SPAG16: variants seen among roughly 807,000 people sequenced by gnomAD.
SPAG16 encodes the protein sperm associated antigen 16, also known as sperm-associated antigen 16 protein.
In SPAG16, 86 loss-of-function variants were observed where a neutral mutation model predicts 80.4. The observed-to-expected ratio is 1.07, with a 90% CI of 0.90 to 1.28. The LOEUF (loss-of-function observed/expected upper bound fraction) is 1.28. Ranked by LOEUF, SPAG16 falls within the 50% of genes most tolerant of loss-of-function variation. SPAG16 has a pLI of 0.00. For synonymous variants in SPAG16, 294 were observed against 265.9 expected (o/e 1.11, Z -1.03); for missense variants, 870 against 765.3 (o/e 1.14, Z -1.61).
chr2:213,566,305 A>C (rs1005802654), intron 10 of SPAG16, among the ~76,000 whole-genome samples: 8 of 152,250 alleles, frequency 5.3e-5, no homozygotes, highest in Non-Finnish European at 1.0e-4. Context: ...AGTATTTAAA[A>C]CGTTATATTA....
intron 10 of SPAG16, among the ~76,000 whole-genome samples, chr2:213,792,609 G>T (rs1467699764): frequency 2.2e-5 from 3 of 135,652 alleles, no homozygotes; most frequent in Non-Finnish European, 3.1e-5. Flanking sequence ...TTGGAGACCG[G>T]GTCTCACTCT....
chr2:214,152,115 T>C (rs759027257), intron 15 of SPAG16, among the ~76,000 whole-genome samples: 3 of 152,180 alleles, frequency 2.0e-5, no homozygotes, highest in Non-Finnish European at 4.4e-5. Context: ...GTAGAGGTCA[T>C]TAAAAGGCTG....
intron 12 of SPAG16, among the ~76,000 whole-genome samples, chr2:213,935,527 C>T (rs1057293398): frequency 6.6e-6 from 1 of 152,118 alleles, no homozygotes; most frequent in African/African-American, 2.4e-5. Context: ...ATCCTGCTTG[C>T]CAATAGCAAC....
At chr2:213,646,709 T>C (rs2062835992) in intron 10 of SPAG16, among the ~76,000 whole-genome samples, 1 of 152,244 alleles carries the variant, frequency 6.6e-6, no homozygotes, top group Admixed American at 6.5e-5. Flanking sequence ...AGCAGTTAGA[T>C]ATTATTGTGT....
At chr2:214,087,608 T>C (rs2051860556) in intron 13 of SPAG16, among the ~76,000 whole-genome samples, 1 of 152,018 alleles carries the variant, frequency 6.6e-6, no homozygotes, top group Non-Finnish European at 1.5e-5. Context: ...TTGGGAATTA[T>C]AGGTGATTAT....
In SPAG16 at chr2:213,976,139, C is replaced by T. The variant is rs202172830; in HGVS notation, c.1401-37812C>T. Among the ~76,000 whole-genome samples the T allele has an allele frequency of 4.8e-3, 464 of 97,318 alleles. 4 individuals carry two copies. The East Asian group carries it at 0.049, about 10-fold the overall frequency. The allele number at this position is 97,318 out of a possible 152,430, so 63.8% of individuals were successfully genotyped here. ...ATATATATATATATATATATATACA[C>T]ACACACACACACACACGTATGTATA... On this transcript the variant is annotated intron_variant, in intron 12 of 15. Coordinates refer to ENST00000331683, the MANE Select transcript of SPAG16 (RefSeq NM_024532.5).
intron 14 of SPAG16, among the ~76,000 whole-genome samples, chr2:214,131,319 G>T (rs1184015578): frequency 6.6e-6 from 1 of 151,208 alleles, no homozygotes; most frequent in Non-Finnish European, 1.5e-5. Flanking sequence ...ACAGTGAGCT[G>T]TGATCATGCC....
chr2:213,520,279 C>T (rs2075609699), intron 10 of SPAG16, among the ~76,000 whole-genome samples: 1 of 152,096 alleles, frequency 6.6e-6, no homozygotes, highest in African/African-American at 2.4e-5. Flanking sequence ...GACTTATGGC[C>T]TCCAGAACTG....
chr2:213,927,876 G>A (rs979277640), intron 11 of SPAG16, among the ~76,000 whole-genome samples: 5 of 152,140 alleles, frequency 3.3e-5, no homozygotes, highest in Non-Finnish European at 7.3e-5. Context: ...TGAGAAAGAA[G>A]CATGCTTAAA....
intron 15 of SPAG16, among the ~76,000 whole-genome samples, chr2:214,340,960 A>G (rs1002274029): frequency 6.6e-6 from 1 of 152,230 alleles, no homozygotes; most frequent in African/African-American, 2.4e-5. Flanking sequence ...AACATAAAGA[A>G]AATATCAAGA....
chr2:213,588,365 G>T (rs540401779), intron 10 of SPAG16, among the ~76,000 whole-genome samples: 5 of 151,612 alleles, frequency 3.3e-5, no homozygotes, highest in East Asian at 3.9e-4. Flanking sequence ...TACAATGAGG[G>T]TCTATAGTAA....
intron 7 of SPAG16, among the ~76,000 whole-genome samples, chr2:213,358,172 C>T (rs976049437): frequency 5.9e-5 from 9 of 152,174 alleles, no homozygotes; most frequent in Admixed American, 5.9e-4. Context: ...TGCCCTCTCT[C>T]TCTGGCGGCC....
intron 13 of SPAG16, among the ~76,000 whole-genome samples, chr2:214,073,359 T>A (rs1559760141): frequency 6.6e-6 from 1 of 151,692 alleles, no homozygotes. Context: ...TGCCTCAGCC[T>A]CCTGAGTAGC....
chr2:213,551,822 T>C lies in SPAG16; in HGVS notation c.1070+61732T>C, dbSNP rs138981964. On this transcript the variant is annotated intron_variant, in intron 10 of 15. Coordinates refer to ENST00000331683, the MANE Select transcript of SPAG16 (RefSeq NM_024532.5). ...TGACCTGAATACCATTTTGAAGAAC[T>C]AGCTGAAATAATGCCAGAACCTTGC... is the stretch of plus-strand genomic sequence containing the variant. 9.3e-3 allele frequency among the ~76,000 whole-genome samples: 1,411 copies of C among 152,300 alleles called. 20 individuals are homozygous for C. The highest frequency in any genetic ancestry group is 0.013 in the Non-Finnish European group (867 of 67,998).
chr2:213,552,387 A>C (rs2888233), intron 10 of SPAG16, among the ~76,000 whole-genome samples: 7,879 of 152,274 alleles, frequency 0.052, 272 homozygotes, highest in Non-Finnish European at 0.081. Context: ...ATTTCTGCAG[A>C]AACTGCTAGA....
intron 13 of SPAG16, among the ~76,000 whole-genome samples, chr2:214,051,770 G>A (rs996364649): frequency 6.6e-6 from 1 of 152,116 alleles, no homozygotes; most frequent in Non-Finnish European, 1.5e-5. Flanking sequence ...GGTCTGACAG[G>A]TGACACCTTT....
chr2:213,538,441 A>AT lies in SPAG16; in HGVS notation c.1070+48355dup, dbSNP rs149933256. On this transcript the variant is annotated intron_variant, in intron 10 of 15. Coordinates refer to ENST00000331683, the MANE Select transcript of SPAG16 (RefSeq NM_024532.5). ...TCAGGAATGAGTAGTATATTTTATG[A>AT]TTTTCTAAGGATAACTTTCTCTGTA... 7.9e-3 allele frequency among the ~76,000 whole-genome samples: 1,198 copies of AT among 152,194 alleles called. 15 individuals are homozygous for AT. Among genetic ancestry groups the AT allele is most frequent in the African/African-American group, 0.028 (1,150 of 41,520 alleles).
At chr2:213,705,818 G>T (rs1034980886) in intron 10 of SPAG16, among the ~76,000 whole-genome samples, 3 of 151,676 alleles carry the variant, frequency 2.0e-5, no homozygotes. Context: ...TTGTTGTTAA[G>T]TATAAGAAGC....
chr2:214,359,013 G>GT (rs1699000691), intron 15 of SPAG16, among the ~76,000 whole-genome samples: 1 of 151,834 alleles, frequency 6.6e-6, no homozygotes, highest in African/African-American at 2.4e-5. Context: ...TAAGAGGAAA[G>GT]AAAGGATCAG....
Sources: gnomAD v4.1 joint callset for allele counts (sites outside exome capture counted in the v4.1 genomes callset) on GRCh38, gnomAD v4.1.1 for gene constraint, MANE v1.5 for transcripts, NCBI Gene and HGNC (gene_info 2026-07-23, HGNC 2026-07-21) for gene names.